Variants in TEKT1 observed in about 807,000 individuals in gnomAD.
TEKT1 encodes the protein tektin 1.
TEKT1 carries 32 observed loss-of-function variants against 34.8 expected under a neutral mutation model. The observed-to-expected ratio is 0.92, with a 90% CI of 0.69 to 1.23. The LOEUF is 1.23. Among genes scored for constraint, TEKT1 ranks in the 50% most tolerant of loss-of-function variants. TEKT1 has a pLI of 0.00. For missense variants in TEKT1, 492 were observed against 518.5 expected, an observed-to-expected ratio of 0.95 and a Z score of 0.50; for synonymous variants, 207 against 199.8, an observed-to-expected ratio of 1.04 and a Z score of -0.30.
At chr17:6,826,478 T>C (rs1904397660) in intron 2 of TEKT1, among the ~76,000 whole-genome samples, 1 of 152,148 alleles carries the variant, frequency 6.6e-6, no homozygotes, top group Non-Finnish European at 1.5e-5. Context: ...GTTTTTCTTT[T>C]CTATGAATGC....
intron 2 of TEKT1, 32 bp downstream of exon 2, chr17:6,830,155 T>A (rs372545795): frequency 3.4e-5 from 54 of 1,590,428 alleles, no homozygotes; most frequent in Non-Finnish European, 4.6e-5. Context: ...CATCCTAGCA[T>A]GTTCACGAAT....
chr17:6,828,657 CT>C (rs1458894641), intron 2 of TEKT1, among the ~76,000 whole-genome samples: 3 of 152,080 alleles, frequency 2.0e-5, no homozygotes, highest in Non-Finnish European at 4.4e-5. Context: ...ACCCTAATGC[CT>C]TACATTCAAT....
At position 6,799,934 on chromosome 17, in the gene TEKT1, G is replaced by A; in HGVS notation, c.*93C>T. 5.3e-6 allele frequency: 7 copies of A among 1,309,042 alleles called. No individual in the cohort carries two copies. The highest frequency in any genetic ancestry group is 7.2e-6 in the Non-Finnish European group (7 of 969,454). The allele number at this position is 1,309,042 out of a possible 1,614,324, so 81.1% of individuals were successfully genotyped here. On this transcript the variant is annotated 3_prime_UTR_variant, in exon 8 of 8. Coordinates refer to ENST00000338694, the MANE Select transcript of TEKT1 (RefSeq NM_053285.2). Reference sequence around the variant, plus strand: ...CCAGCCAAGAGGTTGCAGCAGGCTGGCTAGAGGCCCCGCCAGCCTGAAATG... The same window carrying A: ...CCAGCCAAGAGGTTGCAGCAGGCTGACTAGAGGCCCCGCCAGCCTGAAATG...
At chr17:6,830,111 C>G (rs760698522) in intron 2 of TEKT1, 76 bp downstream of exon 2, 52 of 1,387,408 alleles carry the variant, frequency 3.7e-5, no homozygotes, top group Non-Finnish European at 4.8e-5. Flanking sequence ...GTTGCCACAT[C>G]TGAACATGAC....
At position 6,815,925 on chromosome 17, in the gene TEKT1, C is replaced by T. The variant is rs1976999745; in HGVS notation, c.394G>A (p.Val132Met). ...GCCTCCTTTATCAGCTCATGCTCCACTGTGTCGTGCACCAGGTCAATGCCA... is the reference window on the plus strand; with the variant it reads ...GCCTCCTTTATCAGCTCATGCTCCATTGTGTCGTGCACCAGGTCAATGCCA... ...RIGIDLVHDT[V>M]EHELIKEAEI... Residue 132 changes from valine to methionine, a missense_variant, in exon 4 of 8, where the codon GTG becomes ATG. Transcript: ENST00000338694. The T allele has an allele frequency of 6.2e-7, 1 of 1,614,178 alleles. No homozygotes were observed. The highest frequency in any genetic ancestry group is 2.2e-5 in the East Asian group (1 of 44,872).
At position 6,829,515 on chromosome 17, in the gene TEKT1, CTT is replaced by C. The variant is rs34702459; in HGVS notation, c.190+670_190+671del. 5.7e-3 allele frequency among the ~76,000 whole-genome samples: 782 copies of C among 137,630 alleles called. 3 individuals carry two copies. Among genetic ancestry groups the C allele is most frequent in the African/African-American group, 0.018 (691 of 37,366 alleles). 90.3% of individuals were successfully genotyped at this position (137,630 alleles called of 152,430 possible). A position where few individuals can be genotyped will look rare whatever the true frequency, so the allele number is the denominator to read the frequency against. On this transcript the variant is annotated intron_variant, in intron 2 of 7. Coordinates refer to ENST00000338694, the MANE Select transcript of TEKT1 (RefSeq NM_053285.2). ...TTTCATTCTTCCTTTCTTTTTCTTT[CTT>C]TTTTTTTTTTTTATGAAACAGGGTC...
intron 6 of TEKT1, among the ~76,000 whole-genome samples, chr17:6,807,347 G>A (rs1486091665): frequency 6.6e-6 from 1 of 152,098 alleles, no homozygotes; most frequent in African/African-American, 2.4e-5. Context: ...CTCTGCATTG[G>A]TTATTCTAGT....
intron 2 of TEKT1, among the ~76,000 whole-genome samples, chr17:6,827,530 C>G (rs1366768628): frequency 6.6e-6 from 1 of 152,114 alleles, no homozygotes; most frequent in Admixed American, 6.5e-5. Context: ...TCCCAAAGTG[C>G]TGGGAGCCAG....
rs573183178 is a variant in TEKT1 at position 6,808,759 on chromosome 17, T to C, written c.852+4072A>G. 2.6e-5 allele frequency among the ~76,000 whole-genome samples: 4 copies of C among 152,268 alleles called. No individual in the cohort carries two copies. In the South Asian group the frequency reaches 6.2e-4, roughly 24 times the overall value. ...AAATTTAAAGTTTCAACTAAAATCA[T>C]AAGGCTAAAACAATTATTTAATTAT... On this transcript the variant is annotated intron_variant, in intron 6 of 7. Transcript: ENST00000338694.
At chr17:6,808,470 T>G (rs1193690849) in intron 6 of TEKT1, among the ~76,000 whole-genome samples, 1 of 152,176 alleles carries the variant, frequency 6.6e-6, no homozygotes, top group Non-Finnish European at 1.5e-5. Context: ...CTGCACCCAC[T>G]GTCCTGCACC....
intron 3 of TEKT1, among the ~76,000 whole-genome samples, chr17:6,818,947 A>C (rs947182432): frequency 6.6e-6 from 1 of 152,192 alleles, no homozygotes; most frequent in African/African-American, 2.4e-5. Context: ...GTTTTCTGCT[A>C]CCCACAGCCA....
rs1301018241 is a variant in TEKT1, at chr17:6,811,174, C to T, written c.852+1657G>A. Among the ~76,000 whole-genome samples the T allele has an allele frequency of 1.3e-5, 2 of 152,134 alleles. No individual in the cohort carries two copies. Among genetic ancestry groups the T allele is most frequent in the East Asian group, 3.9e-4 (2 of 5,194 alleles). ...CCTATCTCAGATCCATCTTTCAAGG[C>T]CTATACTAAGTTCTTATTCCACCAG... is the stretch of plus-strand genomic sequence containing the variant. On this transcript the variant is annotated intron_variant, in intron 6 of 7. Coordinates refer to ENST00000338694, the MANE Select transcript of TEKT1 (RefSeq NM_053285.2). This position sits in a 1 kb window ranked among gnomAD's most constrained non-coding sequence, Gnocchi z 4.4.
rs745549477 is a variant in TEKT1, at chr17:6,812,864, A to T, written c.819T>A (p.Asp273Glu). 5 of 1,614,034 alleles carry T rather than the reference A, an allele frequency of 3.1e-6. No homozygotes were observed. Among genetic ancestry groups the T allele is most frequent in the Non-Finnish European group, 3.4e-6 (4 of 1,179,960 alleles). Residue 273 changes from aspartate (D) to glutamate (E), a missense_variant, in exon 6 of 8, where the codon GAT (aspartate) becomes GAA (glutamate). By Grantham distance (45) the Asp-to-Glu change is conservative (BLOSUM62 2). Transcript: ENST00000338694. ...GATGATCAGCCAGCTTGTCCCTGGC[A>T]TCCTTTGTATCCTTCAGCCCATTCT... is the stretch of plus-strand genomic sequence containing the variant. ...AFKNGLKDTK[D>E]ARDKLADHLA...
At chr17:6,830,132 A>C in intron 2 of TEKT1, 55 bp downstream of exon 2, 4 of 1,532,336 alleles carry the variant, frequency 2.6e-6, no homozygotes, top group Non-Finnish European at 3.5e-6. Context: ...ACTATAGCTA[A>C]ACTCAACAGC....
intron 1 of TEKT1, among the ~76,000 whole-genome samples, chr17:6,831,132 A>G (rs1266991510): frequency 6.6e-6 from 1 of 152,206 alleles, no homozygotes; most frequent in Admixed American, 6.5e-5. Context: ...TCCAGGACAA[A>G]GAAAAGGAGA....
intron 6 of TEKT1, among the ~76,000 whole-genome samples, chr17:6,808,328 A>G (rs888740104): frequency 2.0e-5 from 3 of 152,198 alleles, no homozygotes; most frequent in African/African-American, 7.2e-5. Flanking sequence ...GCGCAGTATT[A>G]GGGTGGAAGT....
Position 6,819,323 on chromosome 17 carries a change from CCTT to C in TEKT1, c.223_225del (p.Lys75del), listed in dbSNP as rs774599690. Reference sequence around the variant, plus strand: ...AGCTGCTCAAGTTTGTCATCTAACTCCTTCTTCCAGAACTGGACTTCCTCGAGT... The same window carrying C: ...AGCTGCTCAAGTTTGTCATCTAACTCCTTCCAGAACTGGACTTCCTCGAGT... On this transcript the variant is annotated inframe_deletion, in exon 3 of 8. Coordinates refer to ENST00000338694, the MANE Select transcript of TEKT1 (RefSeq NM_053285.2). 3 of 1,613,978 alleles carry C rather than the reference CCTT, an allele frequency of 1.9e-6. No homozygotes were observed. The highest frequency in any genetic ancestry group is 2.5e-6 in the Non-Finnish European group (3 of 1,179,944).
At chr17:6,828,521 G>GA (rs1278885388) in intron 2 of TEKT1, among the ~76,000 whole-genome samples, 9 of 152,114 alleles carry the variant, frequency 5.9e-5, no homozygotes, top group Non-Finnish European at 1.0e-4. Flanking sequence ...AGATTTTCTT[G>GA]AAAAAATCGG....
At chr17:6,812,760 G>C in intron 6 of TEKT1, 71 bp downstream of exon 6, 2 of 1,470,418 alleles carry the variant, frequency 1.4e-6, no homozygotes, top group Non-Finnish European at 1.9e-6. Context: ...CTGGCCCAGG[G>C]GGCATTCTTG....
Sources: allele counts gnomAD v4.1 joint callset (sites outside exome capture counted in the v4.1 genomes callset), GRCh38; gene constraint gnomAD v4.1.1; non-coding constraint Gnocchi (gnomAD v3.1); transcripts MANE v1.5; gene names NCBI Gene and HGNC (gene_info 2026-07-23, HGNC 2026-07-21).